Variants in ANKRD31 observed in about 807,000 individuals in gnomAD.
ANKRD31 encodes ankyrin repeat domain-containing protein 31.
A neutral mutation model predicts 186.0 loss-of-function variants in ANKRD31; 147 were observed. The ratio of observed to expected loss-of-function variants is 0.79; its 90% CI spans 0.69 to 0.91. The LOEUF (loss-of-function observed/expected upper bound fraction) is 0.91. Among genes scored for constraint, ANKRD31 ranks in the 40% least tolerant of loss-of-function variants. The pLI is 0.00. For synonymous variants in ANKRD31, 673 were observed against 736.4 expected (o/e 0.91, Z 1.39); for missense variants, 1,986 against 2,148.8 (o/e 0.92, Z 1.50).
At chr5:75,129,978 G>C (rs187413586) in intron 17 of ANKRD31, among the ~76,000 whole-genome samples, 1 of 152,190 alleles carries the variant, frequency 6.6e-6, no homozygotes, top group East Asian at 1.9e-4. Flanking sequence ...GAATTGGTGG[G>C]TTCTTGGTCT....
intron 24 of ANKRD31, among the ~76,000 whole-genome samples, chr5:75,081,974 T>C (rs976909159): frequency 6.6e-6 from 1 of 152,148 alleles, no homozygotes; most frequent in African/African-American, 2.4e-5. Context: ...TTAGGTAGAT[T>C]AGATAGGTAG....
At chr5:75,178,877 C>G (rs1404718524) in intron 10 of ANKRD31, among the ~76,000 whole-genome samples, 5 of 152,114 alleles carry the variant, frequency 3.3e-5, no homozygotes, top group Admixed American at 6.6e-5. Context: ...CAAGAAATAA[C>G]TAAGATCAGA....
chr5:75,068,313 T>A lies in ANKRD31; in HGVS notation c.*206A>T. 2.3e-6 allele frequency: 1 copy of A among 438,734 alleles called. No individual in the cohort carries two copies. The highest frequency in any genetic ancestry group is 2.0e-5 in the African/African-American group (1 of 49,106). The allele number at this position is 438,734 out of a possible 1,614,324, so 27.2% of individuals were successfully genotyped here. A position where few individuals can be genotyped will look rare whatever the true frequency, so the allele number is the denominator to read the frequency against. ...GCCAATCAATATGGTCTAGTTCAAA[T>A]GTGCCTTTATTTCAATGGCAAAAAA... On this transcript the variant is annotated 3_prime_UTR_variant, in exon 26 of 26. Transcript: ENST00000506364.
At chr5:75,144,332 C>T (rs936875020) in intron 14 of ANKRD31, among the ~76,000 whole-genome samples, 161 bp from the exon 15 acceptor site, 2 of 152,078 alleles carry the variant, frequency 1.3e-5, no homozygotes, top group African/African-American at 4.8e-5. Context: ...AAAAAGTTTG[C>T]TGGTTGCAGC....
chr5:75,176,371 C>T (rs1753799125), intron 10 of ANKRD31, among the ~76,000 whole-genome samples: 1 of 152,208 alleles, frequency 6.6e-6, no homozygotes, highest in South Asian at 2.1e-4. Context: ...TGTCTGACAG[C>T]TTTGAAGAGA....
intron 4 of ANKRD31, among the ~76,000 whole-genome samples, chr5:75,208,517 A>G (rs1240537266): frequency 2.6e-5 from 4 of 152,140 alleles, no homozygotes; most frequent in African/African-American, 9.7e-5. Context: ...TTGAAAAAAT[A>G]AAATAAAATG....
At chr5:75,116,513 C>T in intron 19 of ANKRD31, 53 bp downstream of exon 19, 1 of 1,175,418 alleles carries the variant, frequency 8.5e-7, no homozygotes, top group Non-Finnish European at 1.1e-6. Context: ...CTGGCTGGCT[C>T]AAAGAATGGC....
At chr5:75,115,909 G>C (rs1049360097) in intron 19 of ANKRD31, among the ~76,000 whole-genome samples, 3 of 152,048 alleles carry the variant, frequency 2.0e-5, no homozygotes, top group African/African-American at 7.3e-5. Context: ...CCATTACTGG[G>C]TATATACCCA....
chr5:75,144,348 T>A (rs989652110), intron 14 of ANKRD31, among the ~76,000 whole-genome samples, 177 bp from the exon 15 acceptor site: 1 of 152,142 alleles, frequency 6.6e-6, no homozygotes, highest in Non-Finnish European at 1.5e-5. Context: ...GCAGCTCTGA[T>A]GGGAATATAG....
chr5:75,130,975 G>A (rs1043679393), intron 17 of ANKRD31, among the ~76,000 whole-genome samples: 1 of 152,220 alleles, frequency 6.6e-6, no homozygotes, highest in Admixed American at 6.5e-5. Context: ...ATGGAGAACC[G>A]CCATTTTGGC....
chr5:75,163,614 A>T (rs1244312537), intron 11 of ANKRD31, among the ~76,000 whole-genome samples: 1 of 152,192 alleles, frequency 6.6e-6, no homozygotes, highest in Non-Finnish European at 1.5e-5. Context: ...TCAACACTCA[A>T]AAAGTTTTGG....
At chr5:75,191,620 T>C (rs1003683354) in intron 9 of ANKRD31, among the ~76,000 whole-genome samples, 1 of 152,094 alleles carries the variant, frequency 6.6e-6, no homozygotes, top group Non-Finnish European at 1.5e-5. Context: ...TGAGATCTCA[T>C]GCATTTCTAG....
At chr5:75,176,393 C>T (rs901867182) in intron 10 of ANKRD31, among the ~76,000 whole-genome samples, 6 of 152,168 alleles carry the variant, frequency 3.9e-5, no homozygotes. Context: ...TAGTGGTTCT[C>T]CCAGCATGCA....
At chr5:75,195,565 C>T in intron 7 of ANKRD31, 66 bp downstream of exon 7, 3 of 1,330,002 alleles carry the variant, frequency 2.3e-6, no homozygotes, top group Admixed American at 5.4e-5. Flanking sequence ...GATGCTTGTC[C>T]TATAGCTCAG....
intron 3 of ANKRD31, among the ~76,000 whole-genome samples, chr5:75,216,171 G>C (rs184455502): frequency 3.3e-5 from 5 of 152,234 alleles, no homozygotes; most frequent in East Asian, 1.9e-4. Flanking sequence ...CAGATGGCTA[G>C]TTTACTATCT....
intron 11 of ANKRD31, among the ~76,000 whole-genome samples, chr5:75,155,183 C>T (rs1450682960): frequency 1.3e-5 from 2 of 151,980 alleles, no homozygotes; most frequent in Admixed American, 6.6e-5. Flanking sequence ...CCCTCCTCTA[C>T]CCCTGTTCTA....
chr5:75,152,489 T>C (rs1751906327), intron 12 of ANKRD31, among the ~76,000 whole-genome samples: 1 of 152,076 alleles, frequency 6.6e-6, no homozygotes, highest in African/African-American at 2.4e-5. Flanking sequence ...TTGTTAAAGG[T>C]AATAATATAT....
Position 75,138,827 on chromosome 5 carries a change from A to C in ANKRD31, c.3733+19T>G. On this transcript the variant is annotated intron_variant, in intron 16 of 25. Transcript: ENST00000506364. Reference sequence around the variant, plus strand: ...GTGAGTTCAAATTATAAAGGTAATTAAATTAAAAGGATCCAAACCTGCATT... The same window carrying C: ...GTGAGTTCAAATTATAAAGGTAATTCAATTAAAAGGATCCAAACCTGCATT... 1 of 1,532,610 alleles carries C rather than the reference A, an allele frequency of 6.5e-7. No individual in the cohort carries two copies. The highest frequency in any genetic ancestry group is 8.7e-7 in the Non-Finnish European group (1 of 1,144,474). The allele number at this position is 1,532,610 out of a possible 1,614,324, so 94.9% of individuals were successfully genotyped here. A position where few individuals can be genotyped will look rare whatever the true frequency, so the allele number is the denominator to read the frequency against.
intron 7 of ANKRD31, among the ~76,000 whole-genome samples, chr5:75,195,091 C>T (rs1173468908): frequency 6.6e-6 from 1 of 152,084 alleles, no homozygotes; most frequent in Non-Finnish European, 1.5e-5. Context: ...ATTCTAAACC[C>T]CAAGAGCTAT....
Sources: allele counts gnomAD v4.1 joint callset (sites outside exome capture counted in the v4.1 genomes callset), GRCh38; gene constraint gnomAD v4.1.1; transcripts MANE v1.5; gene names NCBI Gene and HGNC (gene_info 2026-07-23, HGNC 2026-07-21).